The following LAMP2 variants were observed in gnomAD, a reference collection of about 807,000 sequenced individuals.
LAMP2 encodes lysosome associated membrane protein 2.
A neutral mutation model predicts 25.6 loss-of-function variants in LAMP2; 4 were observed. The observed-to-expected ratio is 0.16, with a 90% confidence interval of 0.08 to 0.36. LAMP2 has a LOEUF of 0.36. Ranked by LOEUF, LAMP2 falls within the 10% of genes least tolerant of loss-of-function variation. LAMP2 has a pLI of 1.00. For missense variants in LAMP2, 272 were observed against 301.4 expected (o/e 0.90, Z 0.72); for synonymous variants, 108 against 112.7 (o/e 0.96, Z 0.27).
intron 2 of LAMP2, among the ~76,000 whole-genome samples, chrX:120,455,895 G>T (rs1272178428): frequency 9.5e-6 from 1 of 105,788 alleles, no homozygotes; most frequent in Non-Finnish European, 2.0e-5. Context: ...ATGTCAAAAA[G>T]GGGGAGATTT....
In LAMP2 at chrX:120,429,134, G is replaced by A. The variant is rs1009203820; in HGVS notation, c.*2189C>T. On this transcript the variant is annotated 3_prime_UTR_variant, in exon 9 of 9. Coordinates refer to ENST00000200639, the MANE Select transcript of LAMP2 (RefSeq NM_002294.3). ...TATGTATATGTGTATATATATGTGT[G>A]TGTGTATATATATGTGTGTGTGTGT... 1.5e-6 allele frequency: 1 copy of A among 650,372 alleles called. No individual in the cohort carries two copies. Among genetic ancestry groups the A allele is most frequent in the Non-Finnish European group, 1.8e-6 (1 of 550,575 alleles). 53.6% of individuals were successfully genotyped at this position (650,372 alleles called of 1,213,427 possible).
intron 1 of LAMP2, among the ~76,000 whole-genome samples, chrX:120,458,369 T>C (rs1921189515): frequency 8.9e-6 from 1 of 112,122 alleles, no homozygotes; most frequent in Admixed American, 9.5e-5. Flanking sequence ...AAAATAGTAA[T>C]AGCATCGATA....
intron 6 of LAMP2, 64 bp from the exon 7 acceptor site, chrX:120,442,726 T>C: frequency 1.2e-6 from 1 of 865,800 alleles, no homozygotes; most frequent in East Asian, 3.1e-5. Flanking sequence ...ACAGATACGG[T>C]TAATACCCAC....
intron 8 of LAMP2, among the ~76,000 whole-genome samples, chrX:120,434,419 A>G (rs866580972): frequency 8.9e-6 from 1 of 112,012 alleles, no homozygotes; most frequent in Non-Finnish European, 1.9e-5. Flanking sequence ...TTAATTTATA[A>G]TAACTATTGA....
intron 1 of LAMP2, among the ~76,000 whole-genome samples, chrX:120,458,462 A>C (rs1921193211): frequency 8.9e-6 from 1 of 111,865 alleles, no homozygotes; most frequent in Non-Finnish European, 1.9e-5. Context: ...CGTATCACTT[A>C]AAATTAAATT....
Position 120,445,247 on chromosome X carries a change from C to T in LAMP2, c.864+1058G>A, listed in dbSNP as rs992220008. ...CAATTAGACATTTTCAATAGTAATT[C>T]ACTGGTCACATGGTACTTTAACAGA... On this transcript the variant is annotated intron_variant, in intron 6 of 8. Coordinates refer to ENST00000200639, the MANE Select transcript of LAMP2 (RefSeq NM_002294.3). Among the ~76,000 whole-genome samples, 9 of 112,240 alleles carry T rather than the reference C, an allele frequency of 8.0e-5. No homozygotes were observed. In the East Asian group the frequency reaches 2.0e-3, roughly 24 times the overall value.
chrX:120,439,551 T>C (rs2058562252), intron 8 of LAMP2, among the ~76,000 whole-genome samples: 1 of 110,129 alleles, frequency 9.1e-6, no homozygotes, highest in African/African-American at 3.3e-5. Flanking sequence ...TGTATATTCA[T>C]TTACATCTAT....
chrX:120,468,846 C>T (rs1324412260), intron 1 of LAMP2, among the ~76,000 whole-genome samples: 1 of 111,362 alleles, frequency 9.0e-6, no homozygotes, highest in Non-Finnish European at 1.9e-5. Context: ...CTCCACGCTT[C>T]ACTCCTCCCA....
chrX:120,437,513 A>G, intron 8 of LAMP2: 4 of 751,416 alleles, frequency 5.3e-6, no homozygotes, highest in Non-Finnish European at 1.6e-6. Context: ...AACACACACC[A>G]AAAAAGTTCT....
chrX:120,468,818 T>C (rs1162105193), intron 1 of LAMP2, among the ~76,000 whole-genome samples: 1 of 111,174 alleles, frequency 9.0e-6, no homozygotes, highest in Non-Finnish European at 1.9e-5. Context: ...CCCAAGTTAC[T>C]CTTTCCACGC....
chrX:120,435,563 A>C (rs995407936), intron 8 of LAMP2, among the ~76,000 whole-genome samples: 4 of 112,518 alleles, frequency 3.6e-5, no homozygotes, highest in African/African-American at 1.3e-4. Context: ...CGTAACAAGT[A>C]GCTTATCAGA....
intron 7 of LAMP2, among the ~76,000 whole-genome samples, chrX:120,442,379 T>C (rs1486295338): frequency 1.8e-5 from 2 of 111,322 alleles, no homozygotes; most frequent in African/African-American, 6.5e-5. Context: ...ATCAGTCATA[T>C]CCTTAATTAT....
At chrX:120,436,660 G>T (rs1178807374) in intron 8 of LAMP2, 1 of 734,070 alleles carries the variant, frequency 1.4e-6, no homozygotes, top group African/African-American at 2.3e-5. Context: ...GCTAAAACAT[G>T]AAAAACACCC....
At chrX:120,438,692 TCA>T (rs67522937) in intron 8 of LAMP2, 58,340 of 571,562 alleles carry the variant, frequency 0.1, 1,912 homozygotes, top group African/African-American at 0.36. Context: ...CAAACAAAAA[TCA>T]CACACACACA....
chrX:120,463,273 A>G (rs1281485426), intron 1 of LAMP2, among the ~76,000 whole-genome samples: 1 of 112,301 alleles, frequency 8.9e-6, no homozygotes, highest in Non-Finnish European at 1.9e-5. Flanking sequence ...GAAAAGCAAT[A>G]TGATTTTAAA....
In LAMP2 at chrX:120,429,058, A is replaced by C; in HGVS notation, c.*2265T>G. ...AAGTTAAAAAAGACTTAGGATCAAG[A>C]ATGTAGTATATATATACATATATAT... On this transcript the variant is annotated 3_prime_UTR_variant, in exon 9 of 9. Transcript: ENST00000200639. 2 of 560,607 alleles carry C rather than the reference A, an allele frequency of 3.6e-6. No individual in the cohort carries two copies. Among genetic ancestry groups the C allele is most frequent in the Non-Finnish European group, 4.3e-6 (2 of 464,516 alleles). The allele number at this position is 560,607 out of a possible 1,213,427, so 46.2% of individuals were successfully genotyped here.
At chrX:120,451,928 GA>G (rs1269300150) in intron 3 of LAMP2, among the ~76,000 whole-genome samples, 1 of 111,924 alleles carries the variant, frequency 8.9e-6, no homozygotes, top group Non-Finnish European at 1.9e-5. Context: ...GGGAAAGAGA[GA>G]AGTGTTAACA....
chrX:120,444,255 A>T (rs1027497797), intron 6 of LAMP2, among the ~76,000 whole-genome samples: 1 of 111,320 alleles, frequency 9.0e-6, no homozygotes, highest in Non-Finnish European at 1.9e-5. Flanking sequence ...GACAGACTTC[A>T]GAGAAATTTC....
chrX:120,447,446 C>T (rs751110274), intron 5 of LAMP2, among the ~76,000 whole-genome samples: 3 of 109,874 alleles, frequency 2.7e-5, no homozygotes, highest in Non-Finnish European at 3.8e-5. Context: ...TGGTGGCTCA[C>T]GCCTGTAATC....
Sources: gnomAD v4.1 joint callset for allele counts (sites outside exome capture counted in the v4.1 genomes callset) on GRCh38, gnomAD v4.1.1 for gene constraint, MANE v1.5 for transcripts, NCBI Gene and HGNC (gene_info 2026-07-23, HGNC 2026-07-21) for gene names.